The following RPS6KA2 variants were observed in gnomAD, a reference collection of about 807,000 sequenced individuals.
The protein encoded by RPS6KA2 is ribosomal protein S6 kinase A2.
RPS6KA2 carries 42 observed loss-of-function variants against 91.8 expected under a neutral mutation model. That is an observed-to-expected ratio of 0.46 (90% confidence interval 0.36 to 0.59). The LOEUF is 0.59. Among genes scored for constraint, RPS6KA2 ranks in the 20% least tolerant of loss-of-function variants. The pLI is 0.00. For synonymous variants in RPS6KA2, 414 were observed against 393.6 expected (o/e 1.05, Z -0.61); for missense variants, 798 against 978.5 (o/e 0.82, Z 2.46).
intron 2 of RPS6KA2, among the ~76,000 whole-genome samples, chr6:166,746,398 G>A (rs1389585879): frequency 2.0e-5 from 3 of 152,108 alleles, no homozygotes; most frequent in Non-Finnish European, 4.4e-5. Flanking sequence ...ACCATATGTT[G>A]GAGACCTATC....
At chr6:166,568,296 G>T (rs1784563284) in intron 1 of RPS6KA2, among the ~76,000 whole-genome samples, 1 of 152,186 alleles carries the variant, frequency 6.6e-6, no homozygotes, top group South Asian at 2.1e-4. Context: ...TCAGAGGACT[G>T]CATTAAAAGA....
At chr6:166,706,934 A>C (rs1011266974) in intron 2 of RPS6KA2, among the ~76,000 whole-genome samples, 6 of 152,264 alleles carry the variant, frequency 3.9e-5, no homozygotes, top group Non-Finnish European at 7.3e-5. Context: ...TTTGAAAAAC[A>C]TTAAGAGTAA....
intron 2 of RPS6KA2, among the ~76,000 whole-genome samples, chr6:166,803,544 TC>T (rs1010721150): frequency 1.3e-5 from 2 of 152,196 alleles, no homozygotes; most frequent in Non-Finnish European, 2.9e-5. Flanking sequence ...AAATCCCGTG[TC>T]AGGAGTCTAA....
intron 2 of RPS6KA2, among the ~76,000 whole-genome samples, chr6:166,843,884 C>A (rs1220644045): frequency 6.6e-6 from 1 of 152,130 alleles, no homozygotes; most frequent in Non-Finnish European, 1.5e-5. Context: ...CAAAAGATCA[C>A]ACCAGCACAC....
chr6:166,665,199 G>T lies in RPS6KA2; in HGVS notation c.124-126415C>A, dbSNP rs557375915. 2.0e-5 allele frequency among the ~76,000 whole-genome samples: 3 copies of T among 152,222 alleles called. No individual in the cohort carries two copies. In the South Asian group the frequency reaches 6.2e-4, roughly 32 times the overall value. On this transcript the variant is annotated intron_variant, in intron 2 of 21. Transcript: ENST00000503859. This position sits in a 1 kb window ranked among gnomAD's most constrained non-coding sequence, Gnocchi z 4.5. The stretch of plus-strand genomic sequence containing the variant: ...CTGCAGGGCTCACAGACAGAGGAAT[G>T]CCCCCCAAGATACTAACTCAGGTGA...
chr6:166,679,492 T>C (rs1788719830), intron 2 of RPS6KA2, among the ~76,000 whole-genome samples: 1 of 152,080 alleles, frequency 6.6e-6, no homozygotes, highest in African/African-American at 2.4e-5. Flanking sequence ...AAATAAATAT[T>C]GTCACTTATT....
At chr6:166,611,715 T>C (rs995387399) in intron 1 of RPS6KA2, among the ~76,000 whole-genome samples, 5 of 152,224 alleles carry the variant, frequency 3.3e-5, no homozygotes, top group African/African-American at 1.2e-4. Flanking sequence ...CCCAGCTCTT[T>C]CCTCTCGTGT....
chr6:166,566,094 T>G (rs1784492064), intron 1 of RPS6KA2, among the ~76,000 whole-genome samples: 1 of 152,118 alleles, frequency 6.6e-6, no homozygotes, highest in Non-Finnish European at 1.5e-5. Context: ...ATCTTCAAAG[T>G]TCAGTGTGAG....
At chr6:166,748,574 A>ATTT (rs1562416097) in intron 2 of RPS6KA2, among the ~76,000 whole-genome samples, 1 of 31,990 alleles carries the variant, frequency 3.1e-5, no homozygotes, top group Non-Finnish European at 6.3e-5. Context: ...TCAGGCCCCC[A>ATTT]CCTCCTCGGG....
intron 2 of RPS6KA2, among the ~76,000 whole-genome samples, chr6:166,815,310 G>C (rs1022624849): frequency 2.6e-5 from 4 of 152,114 alleles, no homozygotes; most frequent in African/African-American, 4.8e-5. Context: ...GGGTCACTGA[G>C]GCACAGGGCA....
At chr6:166,598,210 G>T (rs181602563) in intron 1 of RPS6KA2, among the ~76,000 whole-genome samples, 4 of 152,316 alleles carry the variant, frequency 2.6e-5, no homozygotes, top group African/African-American at 7.2e-5. Flanking sequence ...TTGGAGCACA[G>T]GACGGCATTT....
intron 1 of RPS6KA2, among the ~76,000 whole-genome samples, chr6:166,617,322 A>G (rs1786450210): frequency 1.3e-5 from 2 of 152,240 alleles, no homozygotes; most frequent in South Asian, 4.1e-4. Context: ...AAAAATGTTG[A>G]TAGTTTCTCA....
At chr6:166,499,131 C>A (rs536050803) in intron 7 of RPS6KA2, among the ~76,000 whole-genome samples, 2 of 152,282 alleles carry the variant, frequency 1.3e-5, no homozygotes, top group African/African-American at 4.8e-5. Flanking sequence ...GTGGAGAGCA[C>A]AGACAGGCGG....
chr6:166,546,238 A>G (rs1783824102), intron 1 of RPS6KA2, among the ~76,000 whole-genome samples: 1 of 152,190 alleles, frequency 6.6e-6, no homozygotes, highest in Admixed American at 6.5e-5. Flanking sequence ...CACTCGGGGC[A>G]GGTGGAACAC....
In RPS6KA2 at chr6:166,603,206, C is replaced by T. The variant is rs559620933; in HGVS notation, c.99+23715G>A. Reference sequence around the variant, plus strand: ...TCCAGAAAGAGCCTTCCCTCTGCTACTTCCCTGTCTGCGGTCTCTGCGTGA... The same window carrying T: ...TCCAGAAAGAGCCTTCCCTCTGCTATTTCCCTGTCTGCGGTCTCTGCGTGA... On this transcript the variant is annotated intron_variant, in intron 1 of 20. Coordinates refer to ENST00000265678, the MANE Select transcript of RPS6KA2 (RefSeq NM_021135.6). This position sits in a 1 kb window ranked among gnomAD's most constrained non-coding sequence, Gnocchi z 4.3. Among the ~76,000 whole-genome samples, 2 of 152,368 alleles carry T rather than the reference C, an allele frequency of 1.3e-5. No homozygotes were observed. Among genetic ancestry groups the T allele is most frequent in the South Asian group, 4.1e-4 (2 of 4,832 alleles).
At chr6:166,547,451 T>C (rs937438625) in intron 1 of RPS6KA2, among the ~76,000 whole-genome samples, 19 of 152,236 alleles carry the variant, frequency 1.2e-4, no homozygotes, top group African/African-American at 4.3e-4. Flanking sequence ...GTGCCCGCTC[T>C]CCGGCAGTGG....
Position 166,508,300 on chromosome 6 carries a change from C to A in RPS6KA2, c.380-18G>T, listed in dbSNP as rs1583220355. 3.2e-6 allele frequency: 5 copies of A among 1,561,880 alleles called. No homozygotes were observed. The highest frequency in any genetic ancestry group is 4.4e-6 in the Non-Finnish European group (5 of 1,132,832). ...CTGAAAGGCTGTGGGGGACAGAGACCCGCATTTTGACAGCTTGTCGAATGT... is the reference window on the plus strand; with the variant it reads ...CTGAAAGGCTGTGGGGGACAGAGACACGCATTTTGACAGCTTGTCGAATGT... On this transcript the variant is annotated intron_variant, in intron 4 of 20. Transcript: ENST00000265678. The surrounding 1 kb of genome is among the most constrained non-coding windows in gnomAD (Gnocchi z 4.3).
At chr6:166,627,928 A>AG (rs1274530835), upstream of RPS6KA2, 2 of 152,180 alleles carry the variant, frequency 1.3e-5, no homozygotes, top group Admixed American at 1.3e-4. Context: ...CTCGGCCAGG[A>AG]GCCGCCCTCC....
intron 16 of RPS6KA2, among the ~76,000 whole-genome samples, chr6:166,426,959 G>C (rs1349981481): frequency 1.3e-5 from 2 of 150,202 alleles, no homozygotes; most frequent in Admixed American, 6.6e-5. Context: ...TATGAGGCCA[G>C]CATCATCCTG....
Sources: gnomAD v4.1 joint callset for allele counts (sites outside exome capture counted in the v4.1 genomes callset) on GRCh38, gnomAD v4.1.1 for gene constraint, Gnocchi (gnomAD v3.1) non-coding constraint, MANE v1.5 for transcripts, NCBI Gene and HGNC (gene_info 2026-07-23, HGNC 2026-07-21) for gene names.